Variants in SLC7A7 observed in about 807,000 individuals in gnomAD.
The protein encoded by SLC7A7 is Y+L amino acid transporter 1.
Under a neutral mutation model 47.9 loss-of-function variants are expected in SLC7A7, and 39 were observed. The observed-to-expected ratio is 0.81, with a 90% CI of 0.63 to 1.06. The LOEUF is 1.06. Ranked by LOEUF, SLC7A7 falls within the 50% of genes least tolerant of loss-of-function variation. The pLI is 0.00. For synonymous variants in SLC7A7, 234 were observed against 242.8 expected (o/e 0.96, Z 0.34); for missense variants, 588 against 632.0 (o/e 0.93, Z 0.75).
Position 22,812,903 on chromosome 14 carries a change from T to TGCAGGCAGCAGCCA in SLC7A7, c.482_495dup (p.Ile166TrpfsTer9), listed in dbSNP as rs1415065715. The TGCAGGCAGCAGCCA allele has an allele frequency of 6.2e-7, 1 of 1,612,858 alleles. No homozygotes were observed. The highest frequency in any genetic ancestry group is 2.2e-5 in the East Asian group (1 of 44,868). On this transcript the variant is annotated frameshift_variant, in exon 2 of 10. Coordinates refer to ENST00000674313, the MANE Select transcript of SLC7A7 (RefSeq NM_003982.4). LOFTEE classifies it high-confidence loss of function. Reference sequence around the variant, plus strand: ...CTCCTACCCCAGCCCCACTTACAAATGCAGGCAGCAGCCAGCAGGCGGCTG... The same window carrying TGCAGGCAGCAGCCA: ...CTCCTACCCCAGCCCCACTTACAAATGCAGGCAGCAGCCAGCAGGCAGCAGCCAGCAGGCGGCTG...
At position 22,773,311 on chromosome 14, in the gene SLC7A7, C is replaced by CTT. The variant is rs2038509028; in HGVS notation, c.*297_*298dup. The CTT allele has an allele frequency of 2.0e-6, 1 of 511,500 alleles. No individual in the cohort carries two copies. Among genetic ancestry groups the CTT allele is most frequent in the African/African-American group, 1.9e-5 (1 of 52,434 alleles). The allele number at this position is 511,500 out of a possible 1,614,324, so 31.7% of individuals were successfully genotyped here. A position where few individuals can be genotyped will look rare whatever the true frequency, so the allele number is the denominator to read the frequency against. ...ACAGGAAATTGGAGCATTGTGGGCC[C>CTT]TTTTAAAAGAAAAGAGGAGTAGGTA... On this transcript the variant is annotated 3_prime_UTR_variant, in exon 10 of 10. Coordinates refer to ENST00000674313, the MANE Select transcript of SLC7A7 (RefSeq NM_003982.4).
At chr14:22,798,681 C>G (rs2039058739) in intron 2 of SLC7A7, among the ~76,000 whole-genome samples, 1 of 152,212 alleles carries the variant, frequency 6.6e-6, no homozygotes, top group Admixed American at 6.5e-5. Flanking sequence ...ATCTGAAGAG[C>G]ATGTCTACAT....
intron 1 of SLC7A7, among the ~76,000 whole-genome samples, chr14:22,813,707 C>T (rs2039361231): frequency 7.0e-6 from 1 of 142,970 alleles, no homozygotes; most frequent in South Asian, 2.2e-4. Flanking sequence ...ACTGCAACCT[C>T]AGCCTCCCGG....
In SLC7A7 at chr14:22,801,962, T is replaced by C. The variant is rs146924429; in HGVS notation, c.499+10938A>G. Among the ~76,000 whole-genome samples, 8 of 152,310 alleles carry C rather than the reference T, an allele frequency of 5.3e-5. No individual in the cohort carries two copies. The East Asian group carries it at 1.5e-3, about 29-fold the overall frequency. On this transcript the variant is annotated intron_variant, in intron 2 of 9. Coordinates refer to ENST00000674313, the MANE Select transcript of SLC7A7 (RefSeq NM_003982.4). ...ATGTTTAATCTCCAACCCTATCTCT[T>C]TCCTAAATTCCAAAGAGCATATCTG...
chr14:22,801,907 C>T (rs1387688304), intron 2 of SLC7A7, among the ~76,000 whole-genome samples: 4 of 152,234 alleles, frequency 2.6e-5, no homozygotes, highest in African/African-American at 9.6e-5. Flanking sequence ...GTGCAGGGAA[C>T]GTGGCAACCT....
chr14:22,782,678 T>G (rs2038741281), intron 2 of SLC7A7, among the ~76,000 whole-genome samples: 1 of 151,718 alleles, frequency 6.6e-6, no homozygotes, highest in Non-Finnish European at 1.5e-5. Context: ...GCCAGGCTAA[T>G]CTCGAACTCC....
chr14:22,775,652 A>G, intron 6 of SLC7A7, 112 bp from the exon 7 acceptor site: 2 of 1,006,686 alleles, frequency 2.0e-6, no homozygotes, highest in Non-Finnish European at 3.2e-6. Flanking sequence ...AAGTATTTGG[A>G]TAATATGGAC....
chr14:22,819,473 TAAGG>T (rs2039447785), upstream of SLC7A7, among the ~76,000 whole-genome samples: 1 of 151,240 alleles, frequency 6.6e-6, no homozygotes, highest in Non-Finnish European at 1.5e-5. Context: ...GGGCTTCCAT[TAAGG>T]AAGGGCTGAA....
Position 22,774,110 on chromosome 14 carries a change from C to G in SLC7A7, c.1252G>C (p.Val418Leu). Residue 418 changes from valine to leucine, a missense_variant, in exon 9 of 10, where the codon GTT (valine) becomes CTT (leucine). Coordinates refer to ENST00000674313, the MANE Select transcript of SLC7A7 (RefSeq NM_003982.4). ...AGGCAGAAGACAATCGGGAAGAAAA[C>G]GCTGAGCTAAGGGCACAGGAAACAT... is the stretch of plus-strand genomic sequence containing the variant. ...PDRPRPLKLS[V>L]FFPIVFCLCT... 6.2e-7 allele frequency: 1 copy of G among 1,614,118 alleles called. No homozygotes were observed. The highest frequency in any genetic ancestry group is 8.5e-7 in the Non-Finnish European group (1 of 1,180,028).
chr14:22,781,523 T>C (rs1416138769), intron 2 of SLC7A7, among the ~76,000 whole-genome samples: 1 of 152,188 alleles, frequency 6.6e-6, no homozygotes, highest in African/African-American at 2.4e-5. Context: ...ATCACAGGGC[T>C]GGGCAAAAAT....
rs386833811 is a variant in SLC7A7, at chr14:22,813,250, A to T, written c.149T>A (p.Met50Lys). The T allele has an allele frequency of 1.2e-6, 2 of 1,613,738 alleles. No homozygotes were observed. Among genetic ancestry groups the T allele is most frequent in the Non-Finnish European group, 1.7e-6 (2 of 1,179,754 alleles). The change falls in exon 2 of 10, where the codon ATG becomes AAG. Residue 50 changes from methionine (M) to lysine (K), a missense_variant. Physicochemically the swap from Met to Lys is moderately conservative, Grantham distance 95. Coordinates refer to ENST00000674313, the MANE Select transcript of SLC7A7 (RefSeq NM_003982.4). ...LNGVCLIVGNMIGSGIFVSPK... is the reference protein window; with the variant it reads ...LNGVCLIVGNKIGSGIFVSPK... ...GGAAACAAAGATGCCCGAGCCGATC[A>T]TGTTCCCCACAATCAGGCACACGCC... is the stretch of plus-strand genomic sequence containing the variant.
intron 8 of SLC7A7, 22 bp from the exon 9 acceptor site, chr14:22,774,138 CTG>C (rs767729170): frequency 4.3e-6 from 7 of 1,612,802 alleles, no homozygotes; most frequent in Admixed American, 1.7e-5. Context: ...GGAAACATAA[CTG>C]GAGTGGACAA....
chr14:22,792,774 T>G (rs532199042), intron 2 of SLC7A7, among the ~76,000 whole-genome samples: 1 of 149,112 alleles, frequency 6.7e-6, no homozygotes, highest in Non-Finnish European at 1.5e-5. Flanking sequence ...GGAGAATCAT[T>G]TTGAACCCAG....
chr14:22,791,340 T>C (rs962984919), intron 2 of SLC7A7, among the ~76,000 whole-genome samples: 1 of 152,150 alleles, frequency 6.6e-6, no homozygotes. Flanking sequence ...TTCTGTGTTC[T>C]TTTTTCTTTC....
In SLC7A7 at chr14:22,773,669, C is replaced by A. The variant is rs1566438427; in HGVS notation, c.1477G>T (p.Glu493Ter). 6.2e-7 allele frequency: 1 copy of A among 1,614,180 alleles called. No homozygotes were observed. Reference sequence around the variant, plus strand: ...TCTCCTCCATCTTCCAAATCCATTTCTGCAGCAACTGACATACACAGGACC... The same window carrying A: ...TCTCCTCCATCTTCCAAATCCATTTATGCAGCAACTGACATACACAGGACC... ...LQVLCMSVAA[E>*]MDLEDGGEMP... The change falls in exon 10 of 10, where the codon GAA becomes TAA. Residue 493 changes from glutamate to a stop codon, truncating the protein, a stop_gained. Coordinates refer to ENST00000674313, the MANE Select transcript of SLC7A7 (RefSeq NM_003982.4). LOFTEE classifies it high-confidence loss of function.
intron 2 of SLC7A7, chr14:22,780,300 G>T (rs935604353): frequency 1.2e-4 from 58 of 467,652 alleles, no homozygotes; most frequent in African/African-American, 1.1e-3. Flanking sequence ...CTGCAGATCT[G>T]CTTACATAAA....
intron 2 of SLC7A7, among the ~76,000 whole-genome samples, chr14:22,795,400 TTCTTTC>T (rs1253571945): frequency 0.043 from 4,280 of 99,690 alleles, 171 homozygotes; most frequent in African/African-American, 0.069. Flanking sequence ...CTTTCTTTCT[TTCTTTC>T]TTTCTTTCTT....
chr14:22,814,475 ACT>A (rs1056295704), intron 1 of SLC7A7, among the ~76,000 whole-genome samples: 2 of 151,506 alleles, frequency 1.3e-5, no homozygotes, highest in South Asian at 2.1e-4. Flanking sequence ...CAAGAGCAAA[ACT>A]CTGTCTCAAA....
intron 1 of SLC7A7, among the ~76,000 whole-genome samples, chr14:22,814,478 C>T (rs894941382): frequency 6.6e-6 from 1 of 151,556 alleles, no homozygotes; most frequent in Non-Finnish European, 1.5e-5. Flanking sequence ...GAGCAAAACT[C>T]TGTCTCAAAA....
Sources: allele counts gnomAD v4.1 joint callset (sites outside exome capture counted in the v4.1 genomes callset), GRCh38; gene constraint gnomAD v4.1.1; transcripts MANE v1.5; gene names NCBI Gene and HGNC (gene_info 2026-07-23, HGNC 2026-07-21).